SLC35F4: variants seen among roughly 807,000 people sequenced by gnomAD.
SLC35F4 encodes chromosome 14 open reading frame 36.
In SLC35F4, 24 loss-of-function variants were observed where a neutral mutation model predicts 44.2. The ratio of observed to expected loss-of-function variants is 0.54; its 90% CI spans 0.39 to 0.76. The LOEUF (loss-of-function observed/expected upper bound fraction) is 0.76, where lower values mean the gene tolerates loss of function less well. Ranked by LOEUF, SLC35F4 falls within the 30% of genes least tolerant of loss-of-function variation. The pLI is 0.00. For missense variants in SLC35F4, 562 were observed against 586.1 expected (o/e 0.96, Z 0.42); for synonymous variants, 238 against 223.6 (o/e 1.06, Z -0.57).
At chr14:57,977,325 A>G (rs893503781) in intron 1 of SLC35F4, among the ~76,000 whole-genome samples, 1 of 152,202 alleles carries the variant, frequency 6.6e-6, no homozygotes, top group East Asian at 1.9e-4. Context: ...ACATGGCCCA[A>G]TGGATACATC....
At chr14:57,880,343 T>C (rs1394088802) in intron 1 of SLC35F4, among the ~76,000 whole-genome samples, 1 of 152,116 alleles carries the variant, frequency 6.6e-6, no homozygotes, top group Non-Finnish European at 1.5e-5. Flanking sequence ...ACTGAGGGCT[T>C]CTCCTCAACT....
chr14:57,885,024 T>A (rs953770366), intron 1 of SLC35F4, among the ~76,000 whole-genome samples: 8 of 152,210 alleles, frequency 5.3e-5, no homozygotes, highest in Admixed American at 1.3e-4. Flanking sequence ...TATGGCTTTT[T>A]ATTACTTTGC....
At chr14:57,877,992 G>C (rs528111352) in intron 1 of SLC35F4, among the ~76,000 whole-genome samples, 15 of 151,952 alleles carry the variant, frequency 9.9e-5, no homozygotes, top group African/African-American at 3.6e-4. Flanking sequence ...GCCATTTTTT[G>C]ACTTTTTAAT....
intron 1 of SLC35F4, among the ~76,000 whole-genome samples, chr14:57,816,652 A>G (rs1882631087): frequency 6.6e-6 from 1 of 152,252 alleles, no homozygotes; most frequent in Non-Finnish European, 1.5e-5. Context: ...AAGCAGAGCT[A>G]AGAATGAGGC....
chr14:57,973,774 T>C (rs1881125402), downstream of SLC35F4, among the ~76,000 whole-genome samples: 1 of 152,126 alleles, frequency 6.6e-6, no homozygotes, highest in Non-Finnish European at 1.5e-5. Flanking sequence ...AGGATCCATG[T>C]CTAGAACTGA....
chr14:57,712,028 T>C (rs1257484111), intron 1 of SLC35F4, among the ~76,000 whole-genome samples: 4 of 152,232 alleles, frequency 2.6e-5, no homozygotes, highest in African/African-American at 9.6e-5. Context: ...GTACATAGCA[T>C]GGCATATGGA....
At chr14:57,679,357 TG>T (rs1223053098) in intron 1 of SLC35F4, among the ~76,000 whole-genome samples, 1 of 152,108 alleles carries the variant, frequency 6.6e-6, no homozygotes, top group Non-Finnish European at 1.5e-5. Context: ...CCAGAATCTC[TG>T]TGACACATTT....
In SLC35F4 at chr14:57,589,528, G is replaced by T; in HGVS notation, c.290-15C>A. The T allele has an allele frequency of 6.3e-7, 1 of 1,582,232 alleles. No individual in the cohort carries two copies. Among genetic ancestry groups the T allele is most frequent in the Admixed American group, 1.8e-5 (1 of 54,470 alleles). On this transcript the variant is annotated splice_polypyrimidine_tract_variant and intron_variant, in intron 2 of 7. Coordinates refer to ENST00000556826, the MANE Select transcript of SLC35F4 (RefSeq NM_001306087.2). The stretch of plus-strand genomic sequence containing the variant: ...CCCATCGTCTGCTGGAAACAGGAAA[G>T]GAATACAAATGTGAGGAAAGCAGGT...
chr14:57,717,452 C>T (rs538861220), intron 1 of SLC35F4, among the ~76,000 whole-genome samples: 15 of 152,120 alleles, frequency 9.9e-5, no homozygotes, highest in South Asian at 4.2e-4. Flanking sequence ...CTGGCTAATA[C>T]GGTGAAATCC....
intron 6 of SLC35F4, among the ~76,000 whole-genome samples, chr14:57,567,086 A>T (rs1182036288): frequency 2.0e-5 from 3 of 152,264 alleles, no homozygotes; most frequent in Admixed American, 6.5e-5. Flanking sequence ...AATTCACTGA[A>T]TTCCAGAGAC....
chr14:57,930,963 A>G (rs1246049674), intron 1 of SLC35F4, among the ~76,000 whole-genome samples: 1 of 152,246 alleles, frequency 6.6e-6, no homozygotes, highest in Admixed American at 6.5e-5. Flanking sequence ...AATAGGAAAA[A>G]AACTGGATGA....
intron 3 of SLC35F4, among the ~76,000 whole-genome samples, chr14:57,588,043 A>T (rs2069892421): frequency 7.5e-6 from 1 of 133,372 alleles, no homozygotes; most frequent in Admixed American, 7.4e-5. Flanking sequence ...AAACTTAGCC[A>T]GGCATGGTGG....
chr14:57,571,132 C>T (rs763188810), intron 5 of SLC35F4, among the ~76,000 whole-genome samples: 13 of 152,118 alleles, frequency 8.5e-5, no homozygotes, highest in Non-Finnish European at 1.3e-4. Context: ...CTCATTGAAA[C>T]ACCAAGAGAG....
At chr14:57,730,869 C>T (rs2076326745) in intron 1 of SLC35F4, among the ~76,000 whole-genome samples, 1 of 152,146 alleles carries the variant, frequency 6.6e-6, no homozygotes, top group African/African-American at 2.4e-5. Flanking sequence ...GACCAGTTTC[C>T]TTTTAAAAGG....
intron 1 of SLC35F4, among the ~76,000 whole-genome samples, chr14:57,705,726 C>T (rs2075655692): frequency 6.6e-6 from 1 of 152,164 alleles, no homozygotes; most frequent in Non-Finnish European, 1.5e-5. Context: ...TTCACCATCC[C>T]TTACTGGTCC....
intron 1 of SLC35F4, among the ~76,000 whole-genome samples, chr14:57,854,771 G>A (rs908410624): frequency 2.0e-5 from 3 of 152,176 alleles, no homozygotes; most frequent in Non-Finnish European, 4.4e-5. Context: ...ATCACAGATG[G>A]CTTCCAGCCC....
chr14:57,725,248 C>T (rs1232089215), intron 1 of SLC35F4, among the ~76,000 whole-genome samples: 1 of 152,134 alleles, frequency 6.6e-6, no homozygotes, highest in African/African-American at 2.4e-5. Flanking sequence ...CACATGGGCT[C>T]AGCAACATGG....
intron 4 of SLC35F4, among the ~76,000 whole-genome samples, chr14:57,575,335 C>T (rs1049212847): frequency 2.0e-5 from 3 of 152,124 alleles, no homozygotes; most frequent in African/African-American, 7.2e-5. Flanking sequence ...TAAAAAGTAG[C>T]CGTGCTTTGG....
intron 1 of SLC35F4, among the ~76,000 whole-genome samples, chr14:57,847,201 T>C (rs1364692468): frequency 1.3e-5 from 2 of 152,212 alleles, no homozygotes; most frequent in African/African-American, 4.8e-5. Context: ...CCCTTGTTCA[T>C]AGTTTTGGCT....
Sources: gnomAD v4.1 joint callset for allele counts (sites outside exome capture counted in the v4.1 genomes callset) on GRCh38, gnomAD v4.1.1 for gene constraint, MANE v1.5 for transcripts, NCBI Gene and HGNC (gene_info 2026-07-23, HGNC 2026-07-21) for gene names.